The following PIK3R1 variants were observed in gnomAD, a reference collection of about 807,000 sequenced individuals.
PIK3R1 encodes phosphatidylinositol 3-kinase regulatory subunit alpha.
A neutral mutation model predicts 98.0 loss-of-function variants in PIK3R1; 29 were observed. The ratio of observed to expected loss-of-function variants is 0.30; its 90% CI spans 0.22 to 0.40. PIK3R1 has a LOEUF of 0.40. Ranked by LOEUF, PIK3R1 falls within the 10% of genes least tolerant of loss-of-function variation. PIK3R1 has a pLI of 1.00. For synonymous variants in PIK3R1, 282 were observed against 311.8 expected (o/e 0.90, Z 1.01); for missense variants, 596 against 872.7 (o/e 0.68, Z 3.99).
chr5:68,271,557 A>G (rs771358045), intron 2 of PIK3R1, among the ~76,000 whole-genome samples: 1 of 149,768 alleles, frequency 6.7e-6, no homozygotes. Context: ...CTAGCCACCT[A>G]TGGTTGTTTC....
intron 2 of PIK3R1, among the ~76,000 whole-genome samples, chr5:68,250,414 G>A (rs531330995): frequency 6.6e-6 from 1 of 152,360 alleles, no homozygotes; most frequent in South Asian, 2.1e-4. Context: ...TCTGACATCA[G>A]TGATGAAAGT....
At chr5:68,246,182 A>T (rs1745075984) in intron 2 of PIK3R1, among the ~76,000 whole-genome samples, 1 of 152,172 alleles carries the variant, frequency 6.6e-6, no homozygotes, top group South Asian at 2.1e-4. Flanking sequence ...AGCCATTCCA[A>T]AGTCTTTAGT....
At chr5:68,290,685 C>T in intron 7 of PIK3R1, 1 of 1,581,068 alleles carries the variant, frequency 6.3e-7, no homozygotes, top group South Asian at 1.2e-5. Flanking sequence ...GAAAGCCGGA[C>T]TCTTTTCTTA....
intron 2 of PIK3R1, among the ~76,000 whole-genome samples, chr5:68,244,221 A>C (rs1744978720): frequency 6.6e-6 from 1 of 152,204 alleles, no homozygotes; most frequent in Non-Finnish European, 1.5e-5. Context: ...TTGGATGCAG[A>C]AAACAGTTGT....
intron 1 of PIK3R1, among the ~76,000 whole-genome samples, chr5:68,225,585 C>T (rs749167203): frequency 6.6e-6 from 1 of 152,202 alleles, no homozygotes; most frequent in Non-Finnish European, 1.5e-5. Context: ...ACACCTGCTG[C>T]TGCCACCCTG....
chr5:68,263,970 T>C (rs889012925), intron 2 of PIK3R1, among the ~76,000 whole-genome samples: 1 of 152,164 alleles, frequency 6.6e-6, no homozygotes, highest in Non-Finnish European at 1.5e-5. Flanking sequence ...TTACAAAATA[T>C]ATATTTTTAA....
intron 2 of PIK3R1, among the ~76,000 whole-genome samples, chr5:68,263,242 A>AT (rs1554048158): frequency 0.013 from 1,471 of 113,478 alleles, 75 homozygotes; most frequent in African/African-American, 0.024. Flanking sequence ...TATATGTAGA[A>AT]ATATATATAT....
At chr5:68,284,823 A>G (rs1226104449) in intron 7 of PIK3R1, among the ~76,000 whole-genome samples, 1 of 151,944 alleles carries the variant, frequency 6.6e-6, no homozygotes, top group Non-Finnish European at 1.5e-5. Flanking sequence ...TAATACATCA[A>G]CACATCTAAT....
chr5:68,294,839 T>A (rs1297251522), intron 12 of PIK3R1, among the ~76,000 whole-genome samples, 161 bp downstream of exon 12: 1 of 151,798 alleles, frequency 6.6e-6, no homozygotes, highest in Admixed American at 6.6e-5. Flanking sequence ...AGGGATAGCA[T>A]TGGGAGATAT....
Position 68,297,677 on chromosome 5 carries a change from T to G in PIK3R1, c.*76T>G. On this transcript the variant is annotated 3_prime_UTR_variant, in exon 16 of 16. Coordinates refer to ENST00000521381, the MANE Select transcript of PIK3R1 (RefSeq NM_181523.3). ...TGGAAAGCAAAGGGCTCCTCTCCAG[T>G]CTGATCTGTGAATTGAGCTGCAGAA... is the stretch of plus-strand genomic sequence containing the variant. 1 of 1,210,390 alleles carries G rather than the reference T, an allele frequency of 8.3e-7. No homozygotes were observed. The allele number at this position is 1,210,390 out of a possible 1,614,324, so 75.0% of individuals were successfully genotyped here. A position where few individuals can be genotyped will look rare whatever the true frequency, so the allele number is the denominator to read the frequency against.
intron 2 of PIK3R1, among the ~76,000 whole-genome samples, chr5:68,234,262 CAGA>C (rs1297856742): frequency 1.3e-5 from 2 of 152,098 alleles, no homozygotes; most frequent in Admixed American, 6.5e-5. Context: ...TCTTCCCAAT[CAGA>C]AGAACTGTCG....
At chr5:68,279,783 G>C (rs369763036) in intron 5 of PIK3R1, 50 bp downstream of exon 5, 2 of 1,579,068 alleles carry the variant, frequency 1.3e-6, no homozygotes, top group South Asian at 2.2e-5. Context: ...TGGAGATGTA[G>C]AGGTGCTTGT....
Position 68,298,734 on chromosome 5 carries a change from T to TA in PIK3R1, c.*1141dup, listed in dbSNP as rs200582275. 1,902 of 232,490 alleles carry TA rather than the reference T, an allele frequency of 8.2e-3. 15 individuals carry two copies. Among genetic ancestry groups the TA allele is most frequent in the South Asian group, 0.019 (107 of 5,498 alleles). 14.4% of individuals were successfully genotyped at this position (232,490 alleles called of 1,614,324 possible). A position where few individuals can be genotyped will look rare whatever the true frequency, so the allele number is the denominator to read the frequency against. ...TAAGCTTCAAAGCTGCTTTATTCAA[T>TA]AAAAAAAAGAAATGAAAAAGATATA... On this transcript the variant is annotated 3_prime_UTR_variant, in exon 16 of 16. Transcript: ENST00000521381.
At chr5:68,282,608 C>T (rs999612916) in intron 7 of PIK3R1, among the ~76,000 whole-genome samples, 3 of 152,198 alleles carry the variant, frequency 2.0e-5, no homozygotes, top group East Asian at 3.8e-4. Context: ...ACTAGTTAAA[C>T]GCCTTTGTTA....
chr5:68,288,139 A>G (rs1747156188), intron 7 of PIK3R1, among the ~76,000 whole-genome samples: 1 of 152,136 alleles, frequency 6.6e-6, no homozygotes, highest in African/African-American at 2.4e-5. Flanking sequence ...GCCTCGCTTC[A>G]CTGTCGGCTA....
intron 2 of PIK3R1, among the ~76,000 whole-genome samples, chr5:68,245,892 A>C (rs1476614224): frequency 6.6e-6 from 1 of 152,226 alleles, no homozygotes; most frequent in Non-Finnish European, 1.5e-5. Context: ...AAATGAAGTT[A>C]GATTATTGCA....
In PIK3R1 at chr5:68,226,994, G is replaced by C. The variant is rs1324419023; in HGVS notation, c.319G>C (p.Asp107His). 2 of 1,611,862 alleles carry C rather than the reference G, an allele frequency of 1.2e-6. No individual in the cohort carries two copies. Among genetic ancestry groups the C allele is most frequent in the Admixed American group, 1.7e-5 (1 of 59,486 alleles). The change falls in exon 2 of 16, where the codon GAT becomes CAT. Residue 107 changes from aspartate (D) to histidine (H), a missense_variant. Asp to His is a moderately conservative substitution (Grantham distance 81). Coordinates refer to ENST00000521381, the MANE Select transcript of PIK3R1 (RefSeq NM_181523.3). Reference sequence around the variant, plus strand: ...ACCAGGTTCTTCGAAAACTGAAGCAGATGTTGAACAACAAGGTCAGTATTG... The same window carrying C: ...ACCAGGTTCTTCGAAAACTGAAGCACATGTTGAACAACAAGGTCAGTATTG... ...VAPGSSKTEA[D>H]VEQQALTLPD...
intron 7 of PIK3R1, among the ~76,000 whole-genome samples, chr5:68,289,553 G>A (rs1359142128): frequency 3.3e-5 from 5 of 151,648 alleles, no homozygotes; most frequent in Admixed American, 2.6e-4. Flanking sequence ...TTACCTTGGG[G>A]AAGAGCCCCT....
chr5:68,226,188 G>GTCTT, intron 1 of PIK3R1, 102 bp from the exon 2 acceptor site: 1 of 366,090 alleles, frequency 2.7e-6, no homozygotes, highest in Non-Finnish European at 4.9e-6. Context: ...GTGTCTGTCT[G>GTCTT]CCAAATCGAT....
Sources: allele counts gnomAD v4.1 joint callset (sites outside exome capture counted in the v4.1 genomes callset), GRCh38; gene constraint gnomAD v4.1.1; transcripts MANE v1.5; gene names NCBI Gene and HGNC (gene_info 2026-07-23, HGNC 2026-07-21).